The following ZDHHC1 variants were observed in gnomAD, a reference collection of about 807,000 sequenced individuals.
ZDHHC1 encodes palmitoyltransferase ZDHHC1.
A neutral mutation model predicts 46.9 loss-of-function variants in ZDHHC1; 45 were observed. That is an observed-to-expected ratio of 0.96 (90% CI 0.76 to 1.23). The LOEUF (loss-of-function observed/expected upper bound fraction) is 1.23, where lower values mean the gene tolerates loss of function less well. ZDHHC1 is among the 50% of genes most tolerant of loss of function. The pLI is 0.00. For missense variants in ZDHHC1, 649 were observed against 670.8 expected (o/e 0.97, Z 0.36); for synonymous variants, 291 against 286.0 (o/e 1.02, Z -0.18).
intron 8 of ZDHHC1, among the ~76,000 whole-genome samples, chr16:67,397,066 GCT>G (rs1161334557): frequency 6.6e-6 from 1 of 152,220 alleles, no homozygotes. Context: ...CTCAGCCTCA[GCT>G]CTCTGCTTTG....
rs2040387254 is a variant in ZDHHC1 at position 67,394,809 on chromosome 16, G to A, written c.1250C>T (p.Ala417Val). 2.6e-6 allele frequency: 4 copies of A among 1,539,532 alleles called. No individual in the cohort carries two copies. The highest frequency in any genetic ancestry group is 3.5e-6 in the Non-Finnish European group (4 of 1,147,246). Residue 417 changes from alanine (A) to valine (V), a missense_variant, in exon 12 of 12, where the codon GCC becomes GTC. By Grantham distance (64) the Ala-to-Val change is moderately conservative. Transcript: ENST00000565726. ...GGACTCTGCCGACGCCGAGTGGTAG[G>A]CGCCGGCAGGGCCAGCGGCGTGCAC... ...SPVHAAGPAG[A>V]YHSASAESVD...
In ZDHHC1 at chr16:67,394,712, T is replaced by TCGGCCC. The variant is rs923253719; in HGVS notation, c.1341_1346dup (p.Gly448_Arg449dup). On this transcript the variant is annotated inframe_insertion, in exon 12 of 12. Transcript: ENST00000565726. ...GCGCCTGCCGCGCCAGCGTGGGCTG[T>TCGGCCC]CGGCCCCGGCCCCGCGGGGCGGCCA... 1.8e-4 allele frequency: 241 copies of TCGGCCC among 1,342,158 alleles called. 1 individual carries two copies. The African/African-American group carries it at 3.5e-3, about 20-fold the overall frequency. The allele number at this position is 1,342,158 out of a possible 1,614,324, so 83.1% of individuals were successfully genotyped here. A position where few individuals can be genotyped will look rare whatever the true frequency, so the allele number is the denominator to read the frequency against.
chr16:67,395,704 G>A, intron 8 of ZDHHC1, 138 bp from the exon 9 acceptor site: 2 of 839,942 alleles, frequency 2.4e-6, no homozygotes, highest in East Asian at 2.7e-5. Flanking sequence ...CAGCCATGCT[G>A]GGAAAACCCC....
At position 67,398,278 on chromosome 16, in the gene ZDHHC1, T is replaced by C; in HGVS notation, c.861A>G (p.Pro287=). The change falls in exon 8 of 12, where the codon CCA becomes CCG. Residue 287 remains proline (P), a synonymous_variant. Coordinates refer to ENST00000565726, the MANE Select transcript of ZDHHC1 (RefSeq NM_001323627.2). The part of the protein sequence containing the change: ...TTYEYIVQHR[P]PQEAKGVHRE... ...TGTGAACCCCCTTGGCCTCCTGTGGTGGGCGGTGCTGCACGATGTACTCAT... is the reference window on the plus strand; with the variant it reads ...TGTGAACCCCCTTGGCCTCCTGTGGCGGGCGGTGCTGCACGATGTACTCAT... 2 of 1,613,872 alleles carry C rather than the reference T, an allele frequency of 1.2e-6. No homozygotes were observed. Among genetic ancestry groups the C allele is most frequent in the Non-Finnish European group, 1.7e-6 (2 of 1,179,946 alleles).
At chr16:67,395,679 C>G in intron 8 of ZDHHC1, 113 bp from the exon 9 acceptor site, 1 of 1,043,422 alleles carries the variant, frequency 9.6e-7, no homozygotes, top group Non-Finnish European at 1.4e-6. Context: ...TATCTCAGGC[C>G]TCATGCCAGG....
At chr16:67,405,801 G>A (rs2040643509) in intron 3 of ZDHHC1, among the ~76,000 whole-genome samples, 2 of 152,142 alleles carry the variant, frequency 1.3e-5, no homozygotes, top group Non-Finnish European at 2.9e-5. Flanking sequence ...AGAATTCTAC[G>A]GTGACTCTTT....
rs1329790160 is a variant in ZDHHC1 at position 67,398,735 on chromosome 16, C to A, written c.656-4G>T. 1.2e-6 allele frequency: 2 copies of A among 1,609,986 alleles called. No individual in the cohort carries two copies. The highest frequency in any genetic ancestry group is 1.7e-6 in the Non-Finnish European group (2 of 1,178,590). On this transcript the variant is annotated splice_region_variant and splice_polypyrimidine_tract_variant and intron_variant, in intron 6 of 11. Transcript: ENST00000565726. ...ACATCCGTGTGATTCTTCAGGACTG[C>A]AAGGCACAGGCAGTGTGTGCTCAGC...
chr16:67,397,635 A>C (rs550364001), intron 8 of ZDHHC1, among the ~76,000 whole-genome samples: 1 of 152,144 alleles, frequency 6.6e-6, no homozygotes, highest in South Asian at 2.1e-4. Flanking sequence ...TGACGACTGG[A>C]TCACCCCCAC....
At position 67,406,560 on chromosome 16, in the gene ZDHHC1, T is replaced by C. The variant is rs985819117; in HGVS notation, c.10-118A>G. 81 of 1,259,380 alleles carry C rather than the reference T, an allele frequency of 6.4e-5. No individual in the cohort carries two copies. Among genetic ancestry groups the C allele is most frequent in the Non-Finnish European group, 7.8e-5 (74 of 943,138 alleles). 78.0% of individuals were successfully genotyped at this position (1,259,380 alleles called of 1,614,324 possible). A position where few individuals can be genotyped will look rare whatever the true frequency, so the allele number is the denominator to read the frequency against. Reference sequence around the variant, plus strand: ...GAGTAGGCTGCGACAGCTACTCTGCTGGGGAAACTGGGGTCCTAGCACAAT... The same window carrying C: ...GAGTAGGCTGCGACAGCTACTCTGCCGGGGAAACTGGGGTCCTAGCACAAT... On this transcript the variant is annotated intron_variant, in intron 2 of 11. Coordinates refer to ENST00000565726, the MANE Select transcript of ZDHHC1 (RefSeq NM_001323627.2). This position sits in a 1 kb window ranked among gnomAD's most constrained non-coding sequence, Gnocchi z 4.1.
rs1030457590 is a variant in ZDHHC1, at chr16:67,406,861, G to C, written c.10-419C>G. 6.6e-6 allele frequency among the ~76,000 whole-genome samples: 1 copy of C among 152,174 alleles called. No individual in the cohort carries two copies. Among genetic ancestry groups the C allele is most frequent in the Non-Finnish European group, 1.5e-5 (1 of 68,030 alleles). ...GTCACCTCCTTCCTGAGGTCCAAAT[G>C]CAAGTGTCAGACACCCCCGCTATCC... On this transcript the variant is annotated intron_variant, in intron 2 of 11. Transcript: ENST00000565726. The surrounding 1 kb of genome is among the most constrained non-coding windows in gnomAD (Gnocchi z 4.1).
Position 67,398,715 on chromosome 16 carries a change from C to T in ZDHHC1, c.672G>A (p.Thr224=), listed in dbSNP as rs367962874. The T allele has an allele frequency of 3.5e-5, 57 of 1,609,454 alleles. No homozygotes were observed. The African/African-American group carries it at 6.0e-4, about 17-fold the overall frequency. ...CAGGCAGGAACACGAACCACACATCCGTGTGATTCTTCAGGACTGCAAGGC... is the reference window on the plus strand; with the variant it reads ...CAGGCAGGAACACGAACCACACATCTGTGTGATTCTTCAGGACTGCAAGGC... The part of the protein sequence containing the change: ...NRHFEVLKNH[T]DVWFVFLPAA... Residue 224 remains threonine, a synonymous_variant, in exon 7 of 12, where the codon ACG becomes ACA. Coordinates refer to ENST00000565726, the MANE Select transcript of ZDHHC1 (RefSeq NM_001323627.2).
intron 3 of ZDHHC1, among the ~76,000 whole-genome samples, chr16:67,403,130 T>C (rs2040584821): frequency 6.6e-6 from 1 of 152,180 alleles, no homozygotes; most frequent in African/African-American, 2.4e-5. Flanking sequence ...GGCTAGGGAC[T>C]GTGGCTGTGG....
intron 1 of ZDHHC1, among the ~76,000 whole-genome samples, chr16:67,412,405 G>C: frequency 6.6e-6 from 1 of 152,124 alleles, no homozygotes; most frequent in East Asian, 1.9e-4. Flanking sequence ...CCACTGAGCT[G>C]CCTTGTGGAT....
rs374041386 is a variant in ZDHHC1 at position 67,401,227 on chromosome 16, C to T, written c.253-95G>A. ...AGAACTCCCCACTGCCATGCCAGCC[C>T]GCTTTGTGCAGATTCTCTGCCTCTG... On this transcript the variant is annotated intron_variant, in intron 3 of 11. Coordinates refer to ENST00000565726, the MANE Select transcript of ZDHHC1 (RefSeq NM_001323627.2). This position sits in a 1 kb window ranked among gnomAD's most constrained non-coding sequence, Gnocchi z 4.6. The T allele has an allele frequency of 8.0e-6, 12 of 1,507,272 alleles. No homozygotes were observed. Among genetic ancestry groups the T allele is most frequent in the Admixed American group, 5.9e-5 (3 of 50,428 alleles). 93.4% of individuals were successfully genotyped at this position (1,507,272 alleles called of 1,614,324 possible).
rs772867375 is a variant in ZDHHC1 at position 67,401,169 on chromosome 16, G to A, written c.253-37C>T. On this transcript the variant is annotated intron_variant, in intron 3 of 11. Transcript: ENST00000565726. This position sits in a 1 kb window ranked among gnomAD's most constrained non-coding sequence, Gnocchi z 4.6. The stretch of plus-strand genomic sequence containing the variant: ...GGTTAAAGACTCACTCCACTCTGCC[G>A]GCTGGGAGTCCTGCCCCGTTCCTTG... 41 of 1,606,462 alleles carry A rather than the reference G, an allele frequency of 2.6e-5. No individual in the cohort carries two copies. Among genetic ancestry groups the A allele is most frequent in the Middle Eastern group, 4.1e-4 (2 of 4,896 alleles).
rs1163156026 is a variant in ZDHHC1 at position 67,394,804 on chromosome 16, G to T, written c.1255C>A (p.His419Asn). The change falls in exon 12 of 12, where the codon CAC (histidine) becomes AAC (asparagine). Residue 419 changes from histidine (H) to asparagine (N), a missense_variant. Transcript: ENST00000565726. ...VHAAGPAGAY[H>N]SASAESVDEI... ...TCCACGGACTCTGCCGACGCCGAGT[G>T]GTAGGCGCCGGCAGGGCCAGCGGCG... The T allele has an allele frequency of 6.5e-7, 1 of 1,532,060 alleles. No individual in the cohort carries two copies. Among genetic ancestry groups the T allele is most frequent in the African/African-American group, 1.4e-5 (1 of 72,788 alleles). The allele number at this position is 1,532,060 out of a possible 1,614,324, so 94.9% of individuals were successfully genotyped here.
intron 1 of ZDHHC1, among the ~76,000 whole-genome samples, chr16:67,409,121 A>C (rs2040709124): frequency 6.6e-6 from 1 of 152,124 alleles, no homozygotes; most frequent in South Asian, 2.1e-4. Context: ...AGGCACCCCC[A>C]GAGCTGCTGT....
chr16:67,395,437 C>A, intron 9 of ZDHHC1, 47 bp downstream of exon 9: 1 of 1,549,242 alleles, frequency 6.5e-7, no homozygotes, highest in Non-Finnish European at 8.7e-7. Context: ...ATGGCCCTGC[C>A]ATGCTAACTG....
Position 67,394,479 on chromosome 16 carries a change from G to T in ZDHHC1, c.*131C>A. Reference sequence around the variant, plus strand: ...CAGCCGGTGGGGCGGGTATTGCTGAGTCGTGGGGGAGGGAGGCCGATCCCG... The same window carrying T: ...CAGCCGGTGGGGCGGGTATTGCTGATTCGTGGGGGAGGGAGGCCGATCCCG... On this transcript the variant is annotated 3_prime_UTR_variant, in exon 12 of 12. Coordinates refer to ENST00000565726, the MANE Select transcript of ZDHHC1 (RefSeq NM_001323627.2). 1.3e-6 allele frequency: 1 copy of T among 763,118 alleles called. No homozygotes were observed. The highest frequency in any genetic ancestry group is 1.7e-6 in the Non-Finnish European group (1 of 595,030). 47.3% of individuals were successfully genotyped at this position (763,118 alleles called of 1,614,324 possible). A position where few individuals can be genotyped will look rare whatever the true frequency, so the allele number is the denominator to read the frequency against.
Sources: gnomAD v4.1 joint callset for allele counts (sites outside exome capture counted in the v4.1 genomes callset) on GRCh38, gnomAD v4.1.1 for gene constraint, Gnocchi (gnomAD v3.1) non-coding constraint, MANE v1.5 for transcripts, NCBI Gene and HGNC (gene_info 2026-07-23, HGNC 2026-07-21) for gene names.